The following KAZN variants were observed in gnomAD, a reference collection of about 807,000 sequenced individuals.
The protein encoded by KAZN is kazrin, periplakin interacting protein, also known as kazrin.
Under a neutral mutation model 87.4 loss-of-function variants are expected in KAZN, and 40 were observed. The ratio of observed to expected loss-of-function variants is 0.46; its 90% CI spans 0.36 to 0.60. The LOEUF (loss-of-function observed/expected upper bound fraction) is 0.60. Among genes scored for constraint, KAZN ranks in the 20% least tolerant of loss-of-function variants. The probability of loss-of-function intolerance (pLI) is 0.00; values close to 1 mark genes in which losing one functional copy is unlikely to be tolerated. For missense variants in KAZN, 898 were observed against 1,073.9 expected (o/e 0.84, Z 2.29); for synonymous variants, 466 against 458.3 (o/e 1.02, Z -0.22).
intron 10 of KAZN, 79 bp downstream of exon 10, chr1:15,095,012 G>T (rs972965361): frequency 2.1e-6 from 2 of 955,310 alleles, no homozygotes; most frequent in South Asian, 3.0e-5. Context: ...TGGGGTGAGC[G>T]GGGCACTGTG....
At chr1:13,898,054 GGGA>G (rs1247272967) in intron 1 of KAZN, among the ~76,000 whole-genome samples, 3 of 152,146 alleles carry the variant, frequency 2.0e-5, no homozygotes, top group African/African-American at 7.2e-5. Flanking sequence ...TCCTTCAGGT[GGGA>G]GCTTAAGGCC....
At chr1:14,418,953 G>C (rs933767795) in intron 2 of KAZN, among the ~76,000 whole-genome samples, 3 of 152,212 alleles carry the variant, frequency 2.0e-5, no homozygotes, top group Non-Finnish European at 4.4e-5. Context: ...CCCAGAAACT[G>C]TCCCCCTGTG....
At chr1:13,905,830 A>C (rs1639416328) in intron 1 of KAZN, among the ~76,000 whole-genome samples, 1 of 152,232 alleles carries the variant, frequency 6.6e-6, no homozygotes, top group Non-Finnish European at 1.5e-5. Flanking sequence ...ATAACAAATT[A>C]CCACAACCTC....
chr1:14,160,964 G>A (rs1422109827), intron 1 of KAZN, among the ~76,000 whole-genome samples: 2 of 152,216 alleles, frequency 1.3e-5, no homozygotes, highest in African/African-American at 4.8e-5. Flanking sequence ...AATCTTAATG[G>A]TTGTGTTATG....
intron 1 of KAZN, among the ~76,000 whole-genome samples, chr1:14,740,154 G>A (rs1644043645): frequency 6.6e-6 from 1 of 152,156 alleles, no homozygotes; most frequent in South Asian, 2.1e-4. Flanking sequence ...GCCCCTAGGA[G>A]GCAAATTGGT....
chr1:14,267,985 G>C (rs992361245), intron 2 of KAZN, among the ~76,000 whole-genome samples: 2 of 152,086 alleles, frequency 1.3e-5, no homozygotes, highest in African/African-American at 4.8e-5. Context: ...AAGAAAAGCT[G>C]TTATGTATAT....
intron 2 of KAZN, among the ~76,000 whole-genome samples, chr1:14,537,862 C>G (rs2148490571): frequency 6.6e-6 from 1 of 152,278 alleles, no homozygotes; most frequent in South Asian, 2.1e-4. Flanking sequence ...CTGATGGAGG[C>G]CATGCCCTCA....
chr1:14,146,046 G>T (rs941917462), intron 1 of KAZN, among the ~76,000 whole-genome samples: 2 of 151,954 alleles, frequency 1.3e-5, no homozygotes, highest in Non-Finnish European at 2.9e-5. Context: ...TGGAGACCTT[G>T]TTCTGAGGAT....
intron 2 of KAZN, among the ~76,000 whole-genome samples, chr1:14,986,103 T>C (rs1311034364): frequency 2.0e-5 from 3 of 151,638 alleles, no homozygotes; most frequent in Non-Finnish European, 2.9e-5. Context: ...GGAGAGTGGA[T>C]TGCAACATGT....
At chr1:14,731,534 G>C (rs1161132434) in intron 1 of KAZN, among the ~76,000 whole-genome samples, 3 of 152,132 alleles carry the variant, frequency 2.0e-5, no homozygotes, top group African/African-American at 7.2e-5. Context: ...TTTGCTTCTG[G>C]GTCGGCACTG....
At chr1:14,680,664 C>T (rs770961208) in intron 1 of KAZN, among the ~76,000 whole-genome samples, 7 of 152,098 alleles carry the variant, frequency 4.6e-5, no homozygotes, top group African/African-American at 7.2e-5. Flanking sequence ...TCCCTATGTC[C>T]GTGTGTTCTC....
intron 1 of KAZN, among the ~76,000 whole-genome samples, chr1:14,775,319 G>A (rs1362905473): frequency 6.6e-6 from 1 of 152,260 alleles, no homozygotes; most frequent in East Asian, 1.9e-4. Flanking sequence ...ATTCTAGGCA[G>A]TCACTGTGCT....
At chr1:14,042,634 CT>C (rs951925242) in intron 1 of KAZN, among the ~76,000 whole-genome samples, 5 of 151,954 alleles carry the variant, frequency 3.3e-5, no homozygotes, top group African/African-American at 9.7e-5. Flanking sequence ...ACTTGGGTTT[CT>C]TTTTTTTCCC....
At chr1:14,188,501 G>T (rs1646358932) in intron 2 of KAZN, among the ~76,000 whole-genome samples, 1 of 152,088 alleles carries the variant, frequency 6.6e-6, no homozygotes, top group African/African-American at 2.4e-5. Flanking sequence ...TAGATGCTGG[G>T]GACATAGAGA....
At chr1:14,008,235 C>T (rs6686059) in intron 1 of KAZN, among the ~76,000 whole-genome samples, 17,165 of 152,192 alleles carry the variant, frequency 0.11, 1,245 homozygotes, top group South Asian at 0.22. Flanking sequence ...CCCATGAATT[C>T]TCCCCTGGGT....
At chr1:14,082,103 T>C (rs1456212261) in intron 1 of KAZN, among the ~76,000 whole-genome samples, 3 of 152,162 alleles carry the variant, frequency 2.0e-5, no homozygotes, top group African/African-American at 7.2e-5. Flanking sequence ...ATCTCTCTGA[T>C]GGGGCTGCCT....
intron 2 of KAZN, among the ~76,000 whole-genome samples, chr1:14,372,043 A>G (rs1310696465): frequency 6.6e-6 from 1 of 152,240 alleles, no homozygotes; most frequent in Non-Finnish European, 1.5e-5. Context: ...TATGGATCTT[A>G]TTAGCTTCAA....
rs183925218 is a variant in KAZN at position 14,495,836 on chromosome 1, C to T, written c.250-103147C>T. Among the ~76,000 whole-genome samples the T allele has an allele frequency of 3.5e-3, 531 of 152,154 alleles. 1 individual carries two copies. The highest frequency in any genetic ancestry group is 0.024 in the Admixed American group (360 of 15,290). On this transcript the variant is annotated intron_variant, in intron 2 of 16. Coordinates refer to the KAZN transcript ENST00000636203. ...TCTTGCCAGTTGATGCAAAATGCAT[C>T]GAGGAATTATAACATTGGAAGGAAA...
At chr1:14,925,758 T>C (rs2101534959) in intron 1 of KAZN, among the ~76,000 whole-genome samples, 1 of 152,154 alleles carries the variant, frequency 6.6e-6, no homozygotes, top group East Asian at 1.9e-4. Context: ...TTTTTGCCTA[T>C]GGTAGCCTCC....
Sources: gnomAD v4.1 joint callset for allele counts (sites outside exome capture counted in the v4.1 genomes callset) on GRCh38, gnomAD v4.1.1 for gene constraint, MANE v1.5 for transcripts, NCBI Gene and HGNC (gene_info 2026-07-23, HGNC 2026-07-21) for gene names.